GRIN2A: variants seen among roughly 807,000 people sequenced by gnomAD.
The protein encoded by GRIN2A is glutamate receptor ionotropic, NMDA 2A.
In GRIN2A, 22 loss-of-function variants were observed where a neutral mutation model predicts 113.4. That is an observed-to-expected ratio of 0.19 (90% CI 0.14 to 0.28). GRIN2A has a LOEUF of 0.28. Among genes scored for constraint, GRIN2A ranks in the 10% least tolerant of loss-of-function variants. The probability of loss-of-function intolerance (pLI) is 1.00; values close to 1 mark genes in which losing one functional copy is unlikely to be tolerated. For synonymous variants in GRIN2A, 827 were observed against 738.4 expected (o/e 1.12, Z -1.94); for missense variants, 1,502 against 1,887.0 (o/e 0.80, Z 3.78).
chr16:9,955,814 T>A (rs2045293989), intron 2 of GRIN2A, among the ~76,000 whole-genome samples: 1 of 152,238 alleles, frequency 6.6e-6, no homozygotes, highest in Non-Finnish European at 1.5e-5. Flanking sequence ...ATGAGCTCCC[T>A]GTGTCACACA....
chr16:9,778,881 C>G (rs1186467662), intron 11 of GRIN2A, among the ~76,000 whole-genome samples: 1 of 152,230 alleles, frequency 6.6e-6, no homozygotes, highest in Admixed American at 6.5e-5. Flanking sequence ...AAAACCCAGT[C>G]TGCGGTAGTT....
At chr16:10,055,086 GAAA>G (rs2047430144) in intron 2 of GRIN2A, among the ~76,000 whole-genome samples, 1 of 46,914 alleles carries the variant, frequency 2.1e-5, no homozygotes, top group East Asian at 8.5e-4. Context: ...AAAAAAAAAA[GAAA>G]AAAGAAAGAA....
intron 11 of GRIN2A, among the ~76,000 whole-genome samples, chr16:9,796,265 C>T (rs1390212361): frequency 2.6e-5 from 4 of 152,204 alleles, no homozygotes; most frequent in Non-Finnish European, 5.9e-5. Flanking sequence ...ATCAATCAAT[C>T]ATTCATCCAT....
At chr16:10,036,430 G>C (rs2047026251) in intron 2 of GRIN2A, among the ~76,000 whole-genome samples, 1 of 110,078 alleles carries the variant, frequency 9.1e-6, no homozygotes, top group Admixed American at 9.2e-5. Flanking sequence ...AAAAATATTA[G>C]TACTTACTTT....
At chr16:9,949,403 T>C (rs2045111079) in intron 2 of GRIN2A, among the ~76,000 whole-genome samples, 1 of 151,094 alleles carries the variant, frequency 6.6e-6, no homozygotes, top group East Asian at 2.0e-4. Flanking sequence ...GATGGTCAAA[T>C]AGGACAAATG....
intron 11 of GRIN2A, among the ~76,000 whole-genome samples, chr16:9,787,746 T>C (rs1567296820): frequency 6.6e-6 from 1 of 152,262 alleles, no homozygotes; most frequent in African/African-American, 2.4e-5. Flanking sequence ...GCTGTTGAAC[T>C]ACTTCCATGT....
intron 2 of GRIN2A, among the ~76,000 whole-genome samples, chr16:10,110,699 C>G (rs1329460978): frequency 1.3e-5 from 2 of 152,242 alleles, no homozygotes; most frequent in Non-Finnish European, 2.9e-5. Flanking sequence ...ATAAATCCTA[C>G]TCCGTTTTCC....
intron 2 of GRIN2A, among the ~76,000 whole-genome samples, chr16:10,010,270 T>G (rs2046481501): frequency 6.6e-6 from 1 of 152,244 alleles, no homozygotes. Flanking sequence ...ACAAGAAGAA[T>G]CCTCACCTAG....
intron 4 of GRIN2A, among the ~76,000 whole-genome samples, chr16:9,880,856 T>C (rs1300644637): frequency 6.6e-6 from 1 of 152,140 alleles, no homozygotes; most frequent in Non-Finnish European, 1.5e-5. Context: ...CTATAACATC[T>C]CTCTTCTCTA....
intron 2 of GRIN2A, chr16:10,027,444 T>C (rs2046845570): frequency 6.6e-6 from 1 of 152,276 alleles, no homozygotes; most frequent in South Asian, 2.1e-4. Flanking sequence ...CACAGCGTCA[T>C]AGGAGCCTGG....
chr16:10,027,188 T>A (rs2046839086), intron 2 of GRIN2A, among the ~76,000 whole-genome samples: 1 of 152,176 alleles, frequency 6.6e-6, no homozygotes, highest in Admixed American at 6.5e-5. Flanking sequence ...ATAAGTTGTT[T>A]ATAGCCCTCC....
chr16:9,940,017 TGAGAGAGAGA>T (rs71402418), intron 2 of GRIN2A, among the ~76,000 whole-genome samples: 6 of 134,450 alleles, frequency 4.5e-5, no homozygotes, highest in East Asian at 2.1e-4. Flanking sequence ...GGGATTCCAC[TGAGAGAGAGA>T]GAGAGAGAGA....
Position 9,766,422 on chromosome 16 carries a change from C to A in GRIN2A, c.2596-1474G>T, listed in dbSNP as rs1900926608. On this transcript the variant is annotated intron_variant, in intron 12 of 12. Transcript: ENST00000330684. ...CTTCAAGGAACCGTAAACACAAAAG[C>A]CTACAGTTGCAAGTTTGAGCTGCTC... Among the ~76,000 whole-genome samples, 4 of 152,150 alleles carry A rather than the reference C, an allele frequency of 2.6e-5. No homozygotes were observed. In the South Asian group the frequency reaches 8.3e-4, roughly 32 times the overall value.
intron 3 of GRIN2A, among the ~76,000 whole-genome samples, chr16:9,899,880 T>C (rs1197277893): frequency 3.3e-5 from 5 of 152,222 alleles, no homozygotes; most frequent in African/African-American, 1.2e-4. Context: ...AGAGGCAATA[T>C]TGCAAGAATT....
At chr16:10,026,193 G>A (rs1448057992) in intron 2 of GRIN2A, among the ~76,000 whole-genome samples, 3 of 152,168 alleles carry the variant, frequency 2.0e-5, no homozygotes, top group Non-Finnish European at 4.4e-5. Flanking sequence ...GAGATTGAGA[G>A]CCAAATTCAA....
At chr16:9,772,805 A>G (rs1901353849) in intron 11 of GRIN2A, among the ~76,000 whole-genome samples, 1 of 152,072 alleles carries the variant, frequency 6.6e-6, no homozygotes, top group Non-Finnish European at 1.5e-5. Flanking sequence ...GCAGTCTGAT[A>G]TAAGAAACAT....
Position 10,178,298 on chromosome 16 carries a change from C to T in GRIN2A, c.414+1700G>A, listed in dbSNP as rs567390289. ...CCCCTCCCACAAAATGAAACTGATC[C>T]CTTGTCCCTCCTGAAGATGGATGAC... On this transcript the variant is annotated intron_variant, in intron 2 of 12. Coordinates refer to ENST00000330684, the MANE Select transcript of GRIN2A (RefSeq NM_001134407.3). 2.0e-5 allele frequency among the ~76,000 whole-genome samples: 3 copies of T among 152,284 alleles called. No individual in the cohort carries two copies. In the South Asian group the frequency reaches 6.2e-4, roughly 32 times the overall value.
chr16:9,779,004 C>T (rs1901780187), intron 11 of GRIN2A, among the ~76,000 whole-genome samples: 1 of 152,162 alleles, frequency 6.6e-6, no homozygotes, highest in South Asian at 2.1e-4. Context: ...ATCAAGAGGA[C>T]AGTTTTCTGC....
At chr16:9,946,033 A>C (rs1175253185) in intron 2 of GRIN2A, among the ~76,000 whole-genome samples, 2 of 152,172 alleles carry the variant, frequency 1.3e-5, no homozygotes, top group Non-Finnish European at 2.9e-5. Context: ...TTCTCGTTGC[A>C]GCTGATTTAG....
Sources: allele counts gnomAD v4.1 joint callset (sites outside exome capture counted in the v4.1 genomes callset), GRCh38; gene constraint gnomAD v4.1.1; transcripts MANE v1.5; gene names NCBI Gene and HGNC (gene_info 2026-07-23, HGNC 2026-07-21).